Variants in DCLK1 observed in about 807,000 individuals in gnomAD.
DCLK1 encodes the protein doublecortin like kinase 1.
DCLK1 carries 16 observed loss-of-function variants against 86.2 expected under a neutral mutation model. The ratio of observed to expected loss-of-function variants is 0.19; its 90% CI spans 0.13 to 0.28. The LOEUF (loss-of-function observed/expected upper bound fraction) is 0.28. DCLK1 is among the 10% of genes least tolerant of loss of function. DCLK1 has a pLI of 1.00. For missense variants in DCLK1, 590 were observed against 940.2 expected, an observed-to-expected ratio of 0.63 and a Z score of 4.87; for synonymous variants, 369 against 370.5, an observed-to-expected ratio of 1.00 and a Z score of 0.05.
intron 3 of DCLK1, among the ~76,000 whole-genome samples, chr13:36,019,604 T>C (rs1382933373): frequency 1.3e-5 from 2 of 152,196 alleles, no homozygotes; most frequent in Non-Finnish European, 2.9e-5. Context: ...TGAGAACACT[T>C]ATCACGATTC....
chr13:35,797,072 C>CT (rs1370876109), intron 15 of DCLK1, among the ~76,000 whole-genome samples: 1 of 152,126 alleles, frequency 6.6e-6, no homozygotes, highest in Non-Finnish European at 1.5e-5. Flanking sequence ...CTCTAGGATC[C>CT]TATGTGCAGC....
intron 11 of DCLK1, among the ~76,000 whole-genome samples, chr13:35,813,733 T>A (rs1475157127): frequency 1.4e-5 from 2 of 147,738 alleles, no homozygotes; most frequent in Non-Finnish European, 3.0e-5. Context: ...CGCCCCGCTT[T>A]TTTTTTTTTT....
In DCLK1 at chr13:35,896,038, G is replaced by A. The variant is rs7989224; in HGVS notation, c.824-24698C>T. Among the ~76,000 whole-genome samples, 870 of 151,926 alleles carry A rather than the reference G, an allele frequency of 5.7e-3. 4 individuals carry two copies. Among genetic ancestry groups the A allele is most frequent in the East Asian group, 0.033 (170 of 5,172 alleles). On this transcript the variant is annotated intron_variant, in intron 4 of 16. Transcript: ENST00000360631. ...TAGAATAATACAAGTAAGGCGCTTTGTTTTGACATCATTATTCAGGAAAAC... is the reference window on the plus strand; with the variant it reads ...TAGAATAATACAAGTAAGGCGCTTTATTTTGACATCATTATTCAGGAAAAC...
chr13:35,774,484 A>G lies in DCLK1; in HGVS notation c.*51T>C, dbSNP rs2086387596. 2.6e-6 allele frequency: 4 copies of G among 1,540,764 alleles called. No homozygotes were observed. The highest frequency in any genetic ancestry group is 1.7e-4 in the Middle Eastern group (1 of 5,936). On this transcript the variant is annotated 3_prime_UTR_variant, in exon 17 of 17. Coordinates refer to ENST00000360631, the MANE Select transcript of DCLK1 (RefSeq NM_001330071.2). ...GTTTTACACAAATTTGGGGGAAAAA[A>G]ATCTCAGAGTCTCAAAGGGTTAAGC...
chr13:35,839,013 T>A, intron 7 of DCLK1, 79 bp downstream of exon 7: 1 of 1,354,076 alleles, frequency 7.4e-7, no homozygotes, highest in Non-Finnish European at 1.0e-6. Context: ...TCATTCCGCT[T>A]GAGAAGCCAC....
intron 2 of DCLK1, among the ~76,000 whole-genome samples, chr13:36,119,034 T>C (rs1259190101): frequency 6.6e-6 from 1 of 152,162 alleles, no homozygotes; most frequent in East Asian, 1.9e-4. Context: ...CATGTGAATT[T>C]TGAGGGGGTC....
chr13:35,795,772 T>A (rs928371202), intron 15 of DCLK1, among the ~76,000 whole-genome samples: 1 of 151,762 alleles, frequency 6.6e-6, no homozygotes, highest in African/African-American at 2.4e-5. Flanking sequence ...AATACAAAAT[T>A]AGCTGGGCAT....
rs991122227 is a variant in DCLK1 at position 35,792,463 on chromosome 13, T to G, written c.2058+903A>C. On this transcript the variant is annotated intron_variant, in intron 16 of 16. Coordinates refer to ENST00000360631, the MANE Select transcript of DCLK1 (RefSeq NM_001330071.2). ...TTAAATATTCAGTACTGCTCATGAG[T>G]GAGAGGTGCTGTTTAATAGCATAAA... 1.1e-4 allele frequency among the ~76,000 whole-genome samples: 16 copies of G among 152,102 alleles called. 1 individual carries two copies.
chr13:35,849,117 T>A (rs1306754712), intron 6 of DCLK1: 1 of 985,392 alleles, frequency 1.0e-6, no homozygotes, highest in Non-Finnish European at 1.2e-6. Context: ...ATTATAGGGC[T>A]AAGTTTTCAA....
intron 3 of DCLK1, among the ~76,000 whole-genome samples, chr13:36,048,705 A>G (rs1883017535): frequency 6.6e-6 from 1 of 152,212 alleles, no homozygotes; most frequent in South Asian, 2.1e-4. Flanking sequence ...CTTTACTTTC[A>G]GCTTTACTAA....
At chr13:36,043,593 C>T (rs986333171) in intron 3 of DCLK1, among the ~76,000 whole-genome samples, 8 of 152,092 alleles carry the variant, frequency 5.3e-5, no homozygotes, top group African/African-American at 7.2e-5. Flanking sequence ...ACATATCATT[C>T]GCAAAATTAT....
At chr13:36,104,622 T>G (rs978960970) in intron 3 of DCLK1, among the ~76,000 whole-genome samples, 1 of 151,962 alleles carries the variant, frequency 6.6e-6, no homozygotes, top group Non-Finnish European at 1.5e-5. Context: ...TATAAATATA[T>G]ATAGCAACGA....
chr13:35,989,968 T>C (rs1880148335), intron 3 of DCLK1, among the ~76,000 whole-genome samples: 1 of 152,206 alleles, frequency 6.6e-6, no homozygotes, highest in Non-Finnish European at 1.5e-5. Flanking sequence ...AGATATACCT[T>C]TTTGCTTTTT....
chr13:35,939,876 C>G (rs1324599664), intron 4 of DCLK1, among the ~76,000 whole-genome samples: 8 of 152,092 alleles, frequency 5.3e-5, no homozygotes, highest in Non-Finnish European at 8.8e-5. Context: ...CTGTCTATTG[C>G]AAATCACTAG....
At chr13:35,932,002 T>A (rs1176990997) in intron 4 of DCLK1, among the ~76,000 whole-genome samples, 1 of 152,184 alleles carries the variant, frequency 6.6e-6, no homozygotes, top group African/African-American at 2.4e-5. Context: ...ATGTGTCAAA[T>A]TGAATGCGCC....
chr13:36,075,739 G>A (rs1024395757), intron 3 of DCLK1, among the ~76,000 whole-genome samples: 6 of 152,130 alleles, frequency 3.9e-5, no homozygotes, highest in South Asian at 2.1e-4. Context: ...AGTGTTGACC[G>A]GGCATGGTGG....
At chr13:35,938,796 T>A (rs1205009549) in intron 4 of DCLK1, among the ~76,000 whole-genome samples, 1 of 152,134 alleles carries the variant, frequency 6.6e-6, no homozygotes, top group Non-Finnish European at 1.5e-5. Context: ...ACCTTTAGTG[T>A]CCAGGATTCA....
intron 6 of DCLK1, among the ~76,000 whole-genome samples, chr13:35,842,991 T>C (rs771685777): frequency 1.3e-5 from 2 of 152,174 alleles, no homozygotes; most frequent in African/African-American, 2.4e-5. Context: ...ATTTCGAACA[T>C]AGTAAAGGCA....
At chr13:35,996,281 A>G (rs1880473941) in intron 3 of DCLK1, among the ~76,000 whole-genome samples, 3 of 152,212 alleles carry the variant, frequency 2.0e-5, no homozygotes, top group Admixed American at 6.5e-5. Flanking sequence ...GGAGAGATAG[A>G]TTAAGGCCTC....
Sources: allele counts gnomAD v4.1 joint callset (sites outside exome capture counted in the v4.1 genomes callset), GRCh38; gene constraint gnomAD v4.1.1; transcripts MANE v1.5; gene names NCBI Gene and HGNC (gene_info 2026-07-23, HGNC 2026-07-21).